Variants in PUS10 observed in about 807,000 individuals in gnomAD.
The protein encoded by PUS10 is pseudouridine synthase 10, also known as tRNA pseudouridine synthase Pus10.
PUS10 carries 59 observed loss-of-function variants against 75.0 expected under a neutral mutation model. That is an observed-to-expected ratio of 0.79 (90% confidence interval 0.64 to 0.98). The LOEUF (loss-of-function observed/expected upper bound fraction) is 0.98. PUS10 is among the 50% of genes least tolerant of loss of function. The probability of loss-of-function intolerance (pLI) is 0.00; values close to 1 mark genes in which losing one functional copy is unlikely to be tolerated. For synonymous variants in PUS10, 219 were observed against 211.6 expected (o/e 1.03, Z -0.30); for missense variants, 650 against 614.4 (o/e 1.06, Z -0.61).
At chr2:60,945,362 A>T (rs1199036965) in intron 16 of PUS10, among the ~76,000 whole-genome samples, 3 of 152,222 alleles carry the variant, frequency 2.0e-5, no homozygotes, top group African/African-American at 4.8e-5. Flanking sequence ...TTTATAGCTC[A>T]TCTCCAAGTG....
At position 60,942,407 on chromosome 2, in the gene PUS10, A is replaced by G. The variant is rs1311184117; in HGVS notation, c.1578T>C (p.Ala526=). The G allele has an allele frequency of 1.2e-6, 2 of 1,613,534 alleles. No individual in the cohort carries two copies. The highest frequency in any genetic ancestry group is 8.5e-7 in the Non-Finnish European group (1 of 1,179,522). Residue 526 remains alanine, a synonymous_variant, in exon 18 of 18, where the codon GCT becomes GCC. Coordinates refer to ENST00000316752, the MANE Select transcript of PUS10 (RefSeq NM_144709.4). The part of the protein sequence containing the change: ...VESVDVDWPP[A]LDD ...CCAAATTTGAAAGCTAGTCATCCAG[A>G]GCAGGTGGCCAGTCAACATCTACAG...
rs150186937 is a variant in PUS10 at position 60,947,458 on chromosome 2, G to C, written c.1451+585C>G. Among the ~76,000 whole-genome samples the C allele has an allele frequency of 4.1e-3, 618 of 152,304 alleles. 7 individuals are homozygous for C. Among genetic ancestry groups the C allele is most frequent in the African/African-American group, 0.014 (591 of 41,558 alleles). ...GTACTATGTGCTCAGCATTGTGTAAGACACTACAATTATAGGAAACATAAC... is the reference window on the plus strand; with the variant it reads ...GTACTATGTGCTCAGCATTGTGTAACACACTACAATTATAGGAAACATAAC... On this transcript the variant is annotated intron_variant, in intron 16 of 17. Coordinates refer to ENST00000316752, the MANE Select transcript of PUS10 (RefSeq NM_144709.4).
chr2:60,967,699 T>A, intron 5 of PUS10, 86 bp from the exon 6 acceptor site: 2 of 883,056 alleles, frequency 2.3e-6, no homozygotes, highest in Non-Finnish European at 3.6e-6. Flanking sequence ...ATTTTTAAAA[T>A]ATTGATTGAG....
intron 14 of PUS10, among the ~76,000 whole-genome samples, chr2:60,953,445 G>T (rs777910260): frequency 6.6e-6 from 1 of 152,128 alleles, no homozygotes; most frequent in Non-Finnish European, 1.5e-5. Context: ...CATACAGTAC[G>T]TGGTGCTTGG....
chr2:60,983,677 CAA>C (rs1034635994), intron 4 of PUS10, among the ~76,000 whole-genome samples: 2 of 110,890 alleles, frequency 1.8e-5, no homozygotes. Flanking sequence ...AATTGCATCT[CAA>C]AAAAAAAAAA....
chr2:60,960,449 C>A lies in PUS10; in HGVS notation c.943G>T (p.Glu315Ter). Residue 315 changes from glutamate (E) to a stop codon, truncating the protein, a stop_gained, in exon 11 of 18, where the codon GAA becomes TAA. Coordinates refer to ENST00000316752, the MANE Select transcript of PUS10 (RefSeq NM_144709.4). LOFTEE classifies it high-confidence loss of function. The stretch of plus-strand genomic sequence containing the variant: ...GAAATTAATTCTTCCACTGAAGATT[C>A]CAGCTTCCTTTCTCCATCAATTATC... ...PWIIDGERKL[E>*]SSVEELISDH... 6.3e-7 allele frequency: 1 copy of A among 1,576,548 alleles called. No individual in the cohort carries two copies. The highest frequency in any genetic ancestry group is 1.2e-5 in the South Asian group (1 of 84,100).
chr2:61,012,185 A>T (rs1679647562), intron 1 of PUS10, among the ~76,000 whole-genome samples: 1 of 152,244 alleles, frequency 6.6e-6, no homozygotes. Context: ...AGAAATAAAA[A>T]TAATCAAGAA....
rs1260707589 is a variant in PUS10 at position 61,008,775 on chromosome 2, C to A, written c.367G>T (p.Asp123Tyr). 1.3e-6 allele frequency: 2 copies of A among 1,580,146 alleles called. No individual in the cohort carries two copies. The highest frequency in any genetic ancestry group is 1.7e-6 in the Non-Finnish European group (2 of 1,161,950). The change falls in exon 3 of 18, where the codon GAT (aspartate) becomes TAT (tyrosine). Residue 123 changes from aspartate to tyrosine, a missense_variant. Asp to Tyr is a radical substitution (Grantham distance 160). Coordinates refer to ENST00000316752, the MANE Select transcript of PUS10 (RefSeq NM_144709.4). Reference protein sequence around the residue: ...LGILQEFCEKDFIKKVCQKVE... With the variant: ...LGILQEFCEKYFIKKVCQKVE... The stretch of plus-strand genomic sequence containing the variant: ...AGGTTATTTACCTTTTTAATGAAAT[C>A]TTTCTCACAGAATTCTTGAAGAATT...
At chr2:60,954,517 C>G (rs368018762) in intron 12 of PUS10, among the ~76,000 whole-genome samples, 2 of 152,240 alleles carry the variant, frequency 1.3e-5, no homozygotes, top group Middle Eastern at 3.4e-3. Flanking sequence ...TAGCCTGATC[C>G]ACTAGTGAAA....
chr2:60,950,776 T>A (rs532680268), intron 15 of PUS10, among the ~76,000 whole-genome samples: 4 of 152,164 alleles, frequency 2.6e-5, no homozygotes, highest in African/African-American at 9.6e-5. Flanking sequence ...CATTTCCTTA[T>A]TGAGGGACGC....
At chr2:60,976,349 C>A (rs574202119) in intron 4 of PUS10, among the ~76,000 whole-genome samples, 3 of 152,228 alleles carry the variant, frequency 2.0e-5, no homozygotes, top group Non-Finnish European at 4.4e-5. Context: ...AAACCTCCCT[C>A]TTCAATGAAA....
intron 7 of PUS10, 138 bp downstream of exon 7, chr2:60,965,285 T>C: frequency 1.0e-6 from 1 of 986,950 alleles, no homozygotes; most frequent in Middle Eastern, 2.1e-4. Flanking sequence ...TTTTATTTTT[T>C]TGAGGGCACA....
rs781415285 is a variant in PUS10 at position 60,960,381 on chromosome 2, G to T, written c.1000+11C>A. Reference sequence around the variant, plus strand: ...AAAAAGAAAGAAAAGTATGAAGATCGTAACACTTACTCTCTGCTTTAAATA... The same window carrying T: ...AAAAAGAAAGAAAAGTATGAAGATCTTAACACTTACTCTCTGCTTTAAATA... On this transcript the variant is annotated intron_variant, in intron 11 of 17. Coordinates refer to ENST00000316752, the MANE Select transcript of PUS10 (RefSeq NM_144709.4). The T allele has an allele frequency of 2.3e-5, 34 of 1,480,978 alleles. No individual in the cohort carries two copies. The Middle Eastern group carries it at 5.3e-4, about 23-fold the overall frequency. 91.7% of individuals were successfully genotyped at this position (1,480,978 alleles called of 1,614,324 possible).
Position 60,955,168 on chromosome 2 carries a change from G to A in PUS10, c.1001-94C>T, listed in dbSNP as rs960113520. 6 of 713,236 alleles carry A rather than the reference G, an allele frequency of 8.4e-6. No individual in the cohort carries two copies. In the South Asian group the frequency reaches 9.7e-5, roughly 11 times the overall value. 44.2% of individuals were successfully genotyped at this position (713,236 alleles called of 1,614,324 possible). A position where few individuals can be genotyped will look rare whatever the true frequency, so the allele number is the denominator to read the frequency against. Reference sequence around the variant, plus strand: ...TGCTAGAAACCCAACTGAAGGTCTTGAACAATCTATAGGAGAATCCCCAGG... The same window carrying A: ...TGCTAGAAACCCAACTGAAGGTCTTAAACAATCTATAGGAGAATCCCCAGG... On this transcript the variant is annotated intron_variant, in intron 11 of 17. Transcript: ENST00000316752.
chr2:61,016,283 A>T (rs1679972372), intron 1 of PUS10, among the ~76,000 whole-genome samples: 2 of 152,222 alleles, frequency 1.3e-5, no homozygotes, highest in African/African-American at 4.8e-5. Flanking sequence ...AATGTGTGTT[A>T]ATAAACGAGC....
intron 16 of PUS10, among the ~76,000 whole-genome samples, chr2:60,947,828 C>CAAAAAAAAAAAAAAAAAAAAAAAAA (rs890632119): frequency 4.3e-5 from 2 of 46,030 alleles, no homozygotes; most frequent in Admixed American, 2.2e-4. Flanking sequence ...GACTCTGCCT[C>CAAAAAAAAAAAAAAAAAAAAAAAAA]AAAAAAAAAA....
intron 8 of PUS10, 128 bp downstream of exon 8, chr2:60,964,930 T>C: frequency 1.2e-6 from 1 of 832,060 alleles, no homozygotes; most frequent in Non-Finnish European, 1.9e-6. Flanking sequence ...CAAATGGAAA[T>C]ATTTAAAAGC....
At chr2:60,997,338 C>T (rs1361358507) in intron 4 of PUS10, among the ~76,000 whole-genome samples, 1 of 152,110 alleles carries the variant, frequency 6.6e-6, no homozygotes, top group African/African-American at 2.4e-5. Context: ...GGGCCAGGCG[C>T]GGTGGCTCAC....
rs998055842 is a variant in PUS10, at chr2:60,944,200, T to C, written c.1551+809A>G. The C allele has an allele frequency of 5.1e-6, 5 of 984,074 alleles. No homozygotes were observed. The African/African-American group carries it at 8.7e-5, about 17-fold the overall frequency. The allele number at this position is 984,074 out of a possible 1,614,324, so 61.0% of individuals were successfully genotyped here. ...TTCTTCCTCCAAATGATAGTTTCAC[T>C]GAAGAGGCTCCCTGCAACCTTGAGG... On this transcript the variant is annotated intron_variant, in intron 17 of 17. Transcript: ENST00000316752.
Sources: gnomAD v4.1 joint callset for allele counts (sites outside exome capture counted in the v4.1 genomes callset) on GRCh38, gnomAD v4.1.1 for gene constraint, MANE v1.5 for transcripts, NCBI Gene and HGNC (gene_info 2026-07-23, HGNC 2026-07-21) for gene names.